The following FGGY variants were observed in gnomAD, a reference collection of about 807,000 sequenced individuals.
FGGY encodes FGGY carbohydrate kinase domain containing, also known as FGGY carbohydrate kinase domain-containing protein.
In FGGY, 72 loss-of-function variants were observed where a neutral mutation model predicts 71.3. The observed-to-expected ratio is 1.01, with a 90% CI of 0.84 to 1.23. FGGY has a LOEUF of 1.23. FGGY is among the 50% of genes most tolerant of loss of function. FGGY has a pLI of 0.00. For synonymous variants in FGGY, 251 were observed against 250.3 expected (o/e 1.00, Z -0.02); for missense variants, 668 against 682.3 (o/e 0.98, Z 0.23).
intron 14 of FGGY, among the ~76,000 whole-genome samples, chr1:59,693,498 G>C (rs140880054): frequency 6.6e-6 from 1 of 152,188 alleles, no homozygotes; most frequent in African/African-American, 2.4e-5. Context: ...CACAGGCAGC[G>C]TGTCATACAT....
At chr1:59,408,782 T>C (rs949761564) in intron 5 of FGGY, among the ~76,000 whole-genome samples, 2 of 152,138 alleles carry the variant, frequency 1.3e-5, no homozygotes, top group African/African-American at 2.4e-5. Flanking sequence ...TCCTTTTAAC[T>C]CTCTGAGACC....
intron 14 of FGGY, among the ~76,000 whole-genome samples, chr1:59,740,582 G>T (rs1439097392): frequency 6.6e-6 from 1 of 152,178 alleles, no homozygotes; most frequent in East Asian, 1.9e-4. Context: ...TAAAATTAGG[G>T]CTTTCTATTG....
chr1:59,477,823 A>T (rs1223810340), intron 6 of FGGY, among the ~76,000 whole-genome samples: 1 of 152,336 alleles, frequency 6.6e-6, no homozygotes, highest in African/African-American at 2.4e-5. Flanking sequence ...TTGAAAGCAC[A>T]GAAACTGCCA....
intron 6 of FGGY, among the ~76,000 whole-genome samples, chr1:59,470,911 G>A (rs2092908405): frequency 6.6e-6 from 1 of 152,180 alleles, no homozygotes; most frequent in Non-Finnish European, 1.5e-5. Context: ...CTGAAGTGCT[G>A]CTTCATCTTT....
At chr1:59,579,326 T>G (rs1190000948) in intron 8 of FGGY, among the ~76,000 whole-genome samples, 1 of 152,106 alleles carries the variant, frequency 6.6e-6, no homozygotes, top group Non-Finnish European at 1.5e-5. Flanking sequence ...GTGACCTCAT[T>G]AAGACTCAAA....
chr1:59,309,774 G>A (rs1056872837), intron 1 of FGGY, among the ~76,000 whole-genome samples: 8 of 151,952 alleles, frequency 5.3e-5, no homozygotes, highest in African/African-American at 1.9e-4. Context: ...CCAGGAATTC[G>A]AGACCATTCT....
At chr1:59,555,359 C>G (rs1173254750) in intron 8 of FGGY, among the ~76,000 whole-genome samples, 3 of 152,302 alleles carry the variant, frequency 2.0e-5, no homozygotes, top group Admixed American at 2.0e-4. Context: ...CCCACTTCCT[C>G]AGTTTACTAA....
chr1:59,384,967 T>TG (rs1362010297), intron 5 of FGGY, among the ~76,000 whole-genome samples: 3 of 152,198 alleles, frequency 2.0e-5, no homozygotes, highest in Non-Finnish European at 4.4e-5. Flanking sequence ...TATTTGGCTC[T>TG]TACATGTGAT....
At chr1:59,584,427 T>G (rs1468269789) in intron 8 of FGGY, among the ~76,000 whole-genome samples, 2 of 150,074 alleles carry the variant, frequency 1.3e-5, no homozygotes, top group Non-Finnish European at 2.9e-5. Flanking sequence ...ACCATATGAT[T>G]ATCTCAATAG....
intron 15 of FGGY, among the ~76,000 whole-genome samples, chr1:59,759,974 A>ATT (rs1170211391): frequency 1.3e-5 from 2 of 152,226 alleles, no homozygotes; most frequent in African/African-American, 4.8e-5. Context: ...AATTTGGTGC[A>ATT]TTGAAAGACA....
chr1:59,738,516 T>C (rs1293140440), intron 14 of FGGY, among the ~76,000 whole-genome samples: 1 of 151,938 alleles, frequency 6.6e-6, no homozygotes, highest in East Asian at 1.9e-4. Context: ...CCACCTGGAG[T>C]CACCAGGGCC....
At chr1:59,646,684 T>C (rs563347880) in intron 11 of FGGY, among the ~76,000 whole-genome samples, 2 of 152,202 alleles carry the variant, frequency 1.3e-5, no homozygotes, top group African/African-American at 4.8e-5. Context: ...CCATGTATCA[T>C]CAACAACCTT....
At chr1:59,539,046 A>G (rs775263487) in intron 7 of FGGY, among the ~76,000 whole-genome samples, 1 of 152,184 alleles carries the variant, frequency 6.6e-6, no homozygotes, top group Admixed American at 6.5e-5. Context: ...CAATAAAATA[A>G]AAATATTAAG....
intron 14 of FGGY, among the ~76,000 whole-genome samples, chr1:59,676,404 T>A (rs2153983043): frequency 6.6e-6 from 1 of 152,034 alleles, no homozygotes; most frequent in African/African-American, 2.4e-5. Flanking sequence ...AGTGGTGTAT[T>A]TTCTGAAAAG....
intron 4 of FGGY, among the ~76,000 whole-genome samples, chr1:59,372,358 G>A (rs2057817523): frequency 6.6e-6 from 1 of 152,180 alleles, no homozygotes; most frequent in Non-Finnish European, 1.5e-5. Flanking sequence ...GACTAAACCA[G>A]GAAGAAGTTG....
At chr1:59,665,272 C>T (rs190021771) in intron 12 of FGGY, among the ~76,000 whole-genome samples, 1 of 152,228 alleles carries the variant, frequency 6.6e-6, no homozygotes, top group Admixed American at 6.5e-5. Context: ...ATAATCAGCC[C>T]TAGTTAGTAT....
At chr1:59,492,983 A>G (rs973335887) in intron 6 of FGGY, among the ~76,000 whole-genome samples, 1 of 151,798 alleles carries the variant, frequency 6.6e-6, no homozygotes, top group African/African-American at 2.4e-5. Flanking sequence ...AACTTTCATG[A>G]TTTTGTTGCT....
At chr1:59,687,190 G>C (rs1332177056) in intron 14 of FGGY, among the ~76,000 whole-genome samples, 1 of 152,182 alleles carries the variant, frequency 6.6e-6, no homozygotes, top group East Asian at 1.9e-4. Context: ...CTGATGTGCA[G>C]GCAGAAGTCA....
intron 5 of FGGY, among the ~76,000 whole-genome samples, chr1:59,447,375 A>G (rs1471940687): frequency 1.3e-5 from 2 of 152,302 alleles, no homozygotes; most frequent in African/African-American, 4.8e-5. Context: ...CCTAGCAGCC[A>G]AAGCTCTGGG....
Sources: allele counts gnomAD v4.1 joint callset (sites outside exome capture counted in the v4.1 genomes callset), GRCh38; gene constraint gnomAD v4.1.1; transcripts MANE v1.5; gene names NCBI Gene and HGNC (gene_info 2026-07-23, HGNC 2026-07-21).